TRHDE: variants seen among roughly 807,000 people sequenced by gnomAD.
TRHDE encodes the protein thyrotropin-releasing hormone-degrading ectoenzyme.
In TRHDE, 72 loss-of-function variants were observed where a neutral mutation model predicts 125.7. The observed-to-expected ratio is 0.57, with a 90% CI of 0.47 to 0.70. The LOEUF is 0.70. Ranked by LOEUF, TRHDE falls within the 30% of genes least tolerant of loss-of-function variation. The pLI, the probability that TRHDE is intolerant of heterozygous loss-of-function variation, is 0.00. For missense variants in TRHDE, 1,110 were observed against 1,327.1 expected (o/e 0.84, Z 2.54); for synonymous variants, 509 against 509.1 (o/e 1.00, Z 0.00).
chr12:72,245,148 C>G (rs1019108951), intron 2 of TRHDE, among the ~76,000 whole-genome samples: 3 of 151,978 alleles, frequency 2.0e-5, no homozygotes, highest in Non-Finnish European at 4.4e-5. Context: ...GTCCATATCT[C>G]ATTAGTTGTG....
intron 6 of TRHDE, among the ~76,000 whole-genome samples, chr12:72,514,132 A>G (rs991372406): frequency 1.3e-5 from 2 of 152,080 alleles, no homozygotes; most frequent in Non-Finnish European, 2.9e-5. Context: ...ACACTAAAAC[A>G]TATCCTTTCT....
At chr12:72,450,830 G>T (rs1285858888) in intron 3 of TRHDE, among the ~76,000 whole-genome samples, 1 of 151,884 alleles carries the variant, frequency 6.6e-6, no homozygotes, top group African/African-American at 2.4e-5. Flanking sequence ...TTTTTCTGTA[G>T]TAGCCATTCT....
chr12:72,128,260 A>G (rs961411405), intron 2 of TRHDE, among the ~76,000 whole-genome samples: 5 of 152,204 alleles, frequency 3.3e-5, no homozygotes, highest in African/African-American at 1.2e-4. Context: ...AAAGCAAGAA[A>G]TGATCAGTGT....
At chr12:72,275,593 T>G (rs918748760) in intron 1 of TRHDE, among the ~76,000 whole-genome samples, 2 of 152,226 alleles carry the variant, frequency 1.3e-5, no homozygotes, top group Admixed American at 1.3e-4. Flanking sequence ...TAGTGGGAGT[T>G]GCATATCATT....
intron 3 of TRHDE, among the ~76,000 whole-genome samples, chr12:72,414,244 T>G (rs1565732441): frequency 6.6e-6 from 1 of 152,018 alleles, no homozygotes; most frequent in Non-Finnish European, 1.5e-5. Context: ...TGACGAGTTT[T>G]TAAGGAAGCA....
intron 2 of TRHDE, among the ~76,000 whole-genome samples, chr12:72,236,922 C>G (rs145953696): frequency 6.6e-5 from 10 of 152,218 alleles, no homozygotes; most frequent in South Asian, 2.1e-4. Flanking sequence ...AGAAATCTTG[C>G]AATGCTGTCA....
chr12:72,154,841 T>C (rs1226069490), intron 2 of TRHDE, among the ~76,000 whole-genome samples: 2 of 152,220 alleles, frequency 1.3e-5, no homozygotes, highest in Non-Finnish European at 2.9e-5. Flanking sequence ...TTCCTTCATT[T>C]CAACTTTGGT....
At chr12:72,403,209 A>C (rs892426676) in intron 3 of TRHDE, among the ~76,000 whole-genome samples, 4 of 152,180 alleles carry the variant, frequency 2.6e-5, no homozygotes, top group Admixed American at 2.0e-4. Context: ...GACCGAGATA[A>C]AAGCTTGTTT....
chr12:72,545,413 G>T (rs78445227), intron 7 of TRHDE, among the ~76,000 whole-genome samples: 9,403 of 151,466 alleles, frequency 0.062, 997 homozygotes, highest in African/African-American at 0.21. Flanking sequence ...TTTAAGAGTT[G>T]AACTAAATAC....
chr12:72,176,596 T>C (rs1480020025), intron 2 of TRHDE, among the ~76,000 whole-genome samples: 1 of 152,248 alleles, frequency 6.6e-6, no homozygotes, highest in East Asian at 1.9e-4. Context: ...TGTAGTGGTA[T>C]GATTTTTTTC....
upstream of TRHDE, among the ~76,000 whole-genome samples, chr12:72,269,915 G>A (rs760160595): frequency 1.3e-5 from 2 of 152,172 alleles, no homozygotes; most frequent in Admixed American, 6.5e-5. Flanking sequence ...AGATCCCTTA[G>A]TGGGTAACCT....
At chr12:72,356,218 T>C (rs1292261887) in intron 2 of TRHDE, among the ~76,000 whole-genome samples, 6 of 151,590 alleles carry the variant, frequency 4.0e-5, no homozygotes, top group Non-Finnish European at 8.9e-5. Context: ...ATAAAAACAA[T>C]GAGATCTTGT....
chr12:72,147,480 T>A (rs1876256791), intron 2 of TRHDE: 2 of 152,160 alleles, frequency 1.3e-5, no homozygotes, highest in Non-Finnish European at 2.9e-5. Context: ...ATAGGCTAAA[T>A]TGCATCCTAT....
intron 13 of TRHDE, among the ~76,000 whole-genome samples, chr12:72,620,721 T>C (rs1372010051): frequency 6.6e-6 from 1 of 152,164 alleles, no homozygotes; most frequent in Non-Finnish European, 1.5e-5. Context: ...CTTGTTGATA[T>C]AAAATGCGTA....
intron 2 of TRHDE, among the ~76,000 whole-genome samples, chr12:72,134,143 G>A (rs553059599): frequency 1.2e-4 from 18 of 152,242 alleles, no homozygotes; most frequent in African/African-American, 3.9e-4. Context: ...CCAGGATTTG[G>A]ATTAGAAAAG....
At chr12:72,340,326 A>T (rs1030624947) in intron 2 of TRHDE, among the ~76,000 whole-genome samples, 36 of 152,174 alleles carry the variant, frequency 2.4e-4, no homozygotes, top group African/African-American at 8.2e-4. Flanking sequence ...GTAGCAATGA[A>T]CTCTGCATAA....
intron 2 of TRHDE, among the ~76,000 whole-genome samples, chr12:72,145,577 C>A (rs551914805): frequency 6.6e-6 from 1 of 152,238 alleles, no homozygotes; most frequent in African/African-American, 2.4e-5. Context: ...CTAATGAGGG[C>A]TTAATCACTA....
intron 2 of TRHDE, among the ~76,000 whole-genome samples, chr12:72,361,605 A>G (rs1470661760): frequency 2.7e-5 from 4 of 150,666 alleles, no homozygotes; most frequent in South Asian, 2.1e-4. Flanking sequence ...GTACACGTGC[A>G]CAATGTGCAG....
At chr12:72,385,702 A>G (rs1056421297) in intron 3 of TRHDE, among the ~76,000 whole-genome samples, 14 of 152,258 alleles carry the variant, frequency 9.2e-5, no homozygotes, top group Admixed American at 8.5e-4. Context: ...ACTCTATAAT[A>G]TGGCCATTTA....
Sources: allele counts gnomAD v4.1 joint callset (sites outside exome capture counted in the v4.1 genomes callset), GRCh38; gene constraint gnomAD v4.1.1; transcripts MANE v1.5; gene names NCBI Gene and HGNC (gene_info 2026-07-23, HGNC 2026-07-21).